Variants in KCNIP4 observed in about 807,000 individuals in gnomAD.
KCNIP4 encodes the protein potassium voltage-gated channel interacting protein 4.
Under a neutral mutation model 34.0 loss-of-function variants are expected in KCNIP4, and 12 were observed. That is an observed-to-expected ratio of 0.35 (90% CI 0.23 to 0.57). The LOEUF (loss-of-function observed/expected upper bound fraction) is 0.57, where lower values mean the gene tolerates loss of function less well. Among genes scored for constraint, KCNIP4 ranks in the 20% least tolerant of loss-of-function variants. The probability of loss-of-function intolerance (pLI) is 0.83; values close to 1 mark genes in which losing one functional copy is unlikely to be tolerated. For synonymous variants in KCNIP4, 124 were observed against 102.2 expected (o/e 1.21, Z -1.29); for missense variants, 238 against 311.7 (o/e 0.76, Z 1.78).
chr4:20,737,598 G>C (rs78230230), intron 5 of KCNIP4, among the ~76,000 whole-genome samples: 1,715 of 152,160 alleles, frequency 0.011, 14 homozygotes, highest in Non-Finnish European at 0.017. Flanking sequence ...GTTTCTGTCC[G>C]ATAGCTTTAG....
At chr4:21,937,973 C>G (rs1205624464) in intron 1 of KCNIP4, among the ~76,000 whole-genome samples, 1 of 152,156 alleles carries the variant, frequency 6.6e-6, no homozygotes, top group Admixed American at 6.5e-5. Context: ...TACTGCATCA[C>G]ATCTTGACCG....
At chr4:21,644,289 G>A (rs1287282477) in intron 1 of KCNIP4, among the ~76,000 whole-genome samples, 2 of 152,024 alleles carry the variant, frequency 1.3e-5, no homozygotes, top group Non-Finnish European at 2.9e-5. Context: ...GGAGGAAAAG[G>A]GTTGGAGAAA....
Position 21,109,057 on chromosome 4 carries a change from C to T in KCNIP4, c.62-226348G>A, listed in dbSNP as rs575235639. The stretch of plus-strand genomic sequence containing the variant: ...CTGCTCGGGGGTCAGGGGTCAGGGA[C>T]CCACTTGAGGAGGCAGTCTGCCCGT... On this transcript the variant is annotated intron_variant, in intron 1 of 8. Transcript: ENST00000382152. Among the ~76,000 whole-genome samples the T allele has an allele frequency of 1.8e-3, 275 of 152,258 alleles. 1 individual carries two copies. The highest frequency in any genetic ancestry group is 2.7e-3 in the Non-Finnish European group (182 of 68,008).
intron 1 of KCNIP4, among the ~76,000 whole-genome samples, chr4:21,269,903 GT>G (rs1401845478): frequency 6.6e-6 from 1 of 152,090 alleles, no homozygotes; most frequent in African/African-American, 2.4e-5. Context: ...ATTGGTTTTG[GT>G]TTTGGATGTG....
At chr4:21,124,043 C>A (rs80041903) in intron 1 of KCNIP4, among the ~76,000 whole-genome samples, 3 of 145,882 alleles carry the variant, frequency 2.1e-5, no homozygotes, top group African/African-American at 5.0e-5. Flanking sequence ...AAAAAAACAA[C>A]AAAAAAAAAA....
intron 1 of KCNIP4, among the ~76,000 whole-genome samples, chr4:21,540,542 G>A (rs185833043): frequency 5.3e-5 from 8 of 152,226 alleles, no homozygotes; most frequent in Non-Finnish European, 8.8e-5. Flanking sequence ...CCAATTCAGT[G>A]TTCAAGATGA....
At chr4:20,851,874 T>G (rs1314049041) in intron 2 of KCNIP4, among the ~76,000 whole-genome samples, 1 of 152,244 alleles carries the variant, frequency 6.6e-6, no homozygotes, top group East Asian at 1.9e-4. Context: ...TCACTAAGGA[T>G]TCCAATGAAA....
chr4:21,259,885 C>CTCTGTGTGTGTG (rs3221673), intron 1 of KCNIP4, among the ~76,000 whole-genome samples: 76 of 146,018 alleles, frequency 5.2e-4, no homozygotes, highest in Middle Eastern at 3.5e-3. Flanking sequence ...GCGCCCAAGA[C>CTCTGTGTGTGTG]TGTGTGTGTG....
intron 1 of KCNIP4, among the ~76,000 whole-genome samples, chr4:20,908,098 C>CTT (rs11364819): frequency 3.4e-4 from 37 of 109,182 alleles, no homozygotes; most frequent in African/African-American, 8.0e-4. Context: ...TGTCATCATT[C>CTT]TTTTTTTTTT....
intron 1 of KCNIP4, among the ~76,000 whole-genome samples, chr4:21,028,620 T>C (rs899026241): frequency 2.6e-5 from 4 of 152,212 alleles, no homozygotes; most frequent in African/African-American, 7.2e-5. Context: ...CATCCTGGCA[T>C]AGGTTATTTA....
chr4:21,310,673 C>A (rs1428799474), intron 1 of KCNIP4, among the ~76,000 whole-genome samples: 1 of 151,884 alleles, frequency 6.6e-6, no homozygotes, highest in Non-Finnish European at 1.5e-5. Flanking sequence ...ACTCTGTTGC[C>A]CAGGCTGGAG....
chr4:21,697,207 C>T (rs2938384), intron 1 of KCNIP4: 4 of 1,203,366 alleles, frequency 3.3e-6, no homozygotes, highest in African/African-American at 1.6e-5. Flanking sequence ...AAACATAAAT[C>T]TCAGCAAATA....
At chr4:20,782,062 G>T (rs148399965) in intron 3 of KCNIP4, among the ~76,000 whole-genome samples, 120 of 152,102 alleles carry the variant, frequency 7.9e-4, no homozygotes, top group African/African-American at 2.7e-3. Context: ...AATCCAGCAG[G>T]GCAGTCAAAT....
At chr4:21,491,599 C>G (rs1319459962) in intron 1 of KCNIP4, among the ~76,000 whole-genome samples, 1 of 152,028 alleles carries the variant, frequency 6.6e-6, no homozygotes, top group East Asian at 1.9e-4. Context: ...TCTCAAAATC[C>G]TGGGCTCAAG....
intron 1 of KCNIP4, among the ~76,000 whole-genome samples, chr4:21,518,623 C>T (rs371440908): frequency 6.6e-6 from 1 of 152,092 alleles, no homozygotes; most frequent in Admixed American, 6.6e-5. Context: ...GAAAATATCC[C>T]TACGCTGTGG....
In KCNIP4 at chr4:20,734,665, A is replaced by T. The variant is rs1187570644; in HGVS notation, c.500T>A (p.Leu167Gln). The change falls in exon 6 of 9, where the codon CTG (leucine) becomes CAG (glutamine). Residue 167 changes from leucine (L) to glutamine (Q), a missense_variant. Physicochemically the swap from Leu to Gln is moderately radical, Grantham distance 113. Coordinates refer to ENST00000382152, the MANE Select transcript of KCNIP4 (RefSeq NM_025221.6). ...VQEKLNWAFN[L>Q]YDINKDGYIT... ...GTAGCCATCTTTATTTATGTCATAC[A>T]GATTAAATGCCCAATTGAGTTTTTC... 1 of 1,595,590 alleles carries T rather than the reference A, an allele frequency of 6.3e-7. No homozygotes were observed. The highest frequency in any genetic ancestry group is 8.5e-7 in the Non-Finnish European group (1 of 1,170,054).
At chr4:21,439,678 C>T (rs1391608590) in intron 1 of KCNIP4, among the ~76,000 whole-genome samples, 1 of 152,210 alleles carries the variant, frequency 6.6e-6, no homozygotes, top group African/African-American at 2.4e-5. Context: ...CTTCTCCCTT[C>T]TTCTTGCTTT....
intron 1 of KCNIP4, among the ~76,000 whole-genome samples, chr4:21,031,243 A>C (rs748000459): frequency 6.6e-6 from 1 of 152,220 alleles, no homozygotes; most frequent in Non-Finnish European, 1.5e-5. Context: ...AGAGTCTGGC[A>C]TGCCTTAATG....
chr4:21,529,914 C>T (rs1185166110), intron 1 of KCNIP4, among the ~76,000 whole-genome samples: 1 of 152,154 alleles, frequency 6.6e-6, no homozygotes, highest in Non-Finnish European at 1.5e-5. Context: ...TTTGATCAAT[C>T]TAATGAATTG....
Sources: allele counts gnomAD v4.1 joint callset (sites outside exome capture counted in the v4.1 genomes callset), GRCh38; gene constraint gnomAD v4.1.1; transcripts MANE v1.5; gene names NCBI Gene and HGNC (gene_info 2026-07-23, HGNC 2026-07-21).